Variants in LPP observed in about 807,000 individuals in gnomAD.
The protein encoded by LPP is lipoma-preferred partner.
LPP carries 38 observed loss-of-function variants against 60.4 expected under a neutral mutation model. That is an observed-to-expected ratio of 0.63 (90% CI 0.49 to 0.83). The LOEUF is 0.83. Among genes scored for constraint, LPP ranks in the 40% least tolerant of loss-of-function variants. The pLI is 0.00. For missense variants in LPP, 902 were observed against 783.6 expected (o/e 1.15, Z -1.80); for synonymous variants, 328 against 290.8 (o/e 1.13, Z -1.30).
chr3:188,579,083 A>G (rs544164203), intron 6 of LPP, among the ~76,000 whole-genome samples: 5 of 152,264 alleles, frequency 3.3e-5, no homozygotes, highest in African/African-American at 1.2e-4. Context: ...TAATTCACAT[A>G]CACTTAACCT....
At chr3:188,705,156 C>T (rs1055394219) in intron 7 of LPP, among the ~76,000 whole-genome samples, 5 of 152,124 alleles carry the variant, frequency 3.3e-5, no homozygotes, top group Non-Finnish European at 7.4e-5. Flanking sequence ...AATAAAGAAA[C>T]AAATGTAGAA....
chr3:188,693,795 C>T (rs561856999), intron 7 of LPP, among the ~76,000 whole-genome samples: 3 of 152,188 alleles, frequency 2.0e-5, no homozygotes, highest in Admixed American at 6.5e-5. Context: ...GATTAGGGCT[C>T]CCAAAATTTT....
At chr3:188,578,493 T>G (rs1472776353) in intron 6 of LPP, among the ~76,000 whole-genome samples, 2 of 152,252 alleles carry the variant, frequency 1.3e-5, no homozygotes, top group Admixed American at 6.5e-5. Flanking sequence ...CATGCTATGC[T>G]ACTAGTTTTA....
intron 2 of LPP, among the ~76,000 whole-genome samples, chr3:188,230,469 C>T (rs1220234205): frequency 1.3e-5 from 2 of 151,852 alleles, no homozygotes; most frequent in African/African-American, 2.4e-5. Context: ...TCTCATGGGG[C>T]GTGGATGAAG....
intron 4 of LPP, among the ~76,000 whole-genome samples, chr3:188,464,597 A>T (rs1027667588): frequency 1.4e-4 from 21 of 152,192 alleles, no homozygotes; most frequent in Non-Finnish European, 2.9e-4. Flanking sequence ...TAAAATATTG[A>T]TATTTGGTGA....
intron 5 of LPP, among the ~76,000 whole-genome samples, chr3:188,516,314 T>C (rs1817346858): frequency 6.6e-6 from 1 of 152,176 alleles, no homozygotes; most frequent in African/African-American, 2.4e-5. Flanking sequence ...TTAGATAAAA[T>C]AGATCATATT....
chr3:188,736,243 T>A (rs1221554001), intron 8 of LPP, among the ~76,000 whole-genome samples: 1 of 151,892 alleles, frequency 6.6e-6, no homozygotes, highest in South Asian at 2.1e-4. Flanking sequence ...AAACAAAAAT[T>A]TTAAAGTGTA....
chr3:188,296,175 G>C (rs1042924263), intron 2 of LPP, among the ~76,000 whole-genome samples: 1 of 152,172 alleles, frequency 6.6e-6, no homozygotes, highest in African/African-American at 2.4e-5. Flanking sequence ...TGGTCCACTG[G>C]GGGAAGGATG....
At chr3:188,746,726 T>A (rs1238523765) in intron 8 of LPP, 2 of 307,874 alleles carry the variant, frequency 6.5e-6, no homozygotes, top group East Asian at 1.3e-4. Flanking sequence ...TCTCACTAGT[T>A]ATTAGGGATT....
chr3:188,320,447 T>C (rs577194315), intron 2 of LPP, among the ~76,000 whole-genome samples: 1 of 152,308 alleles, frequency 6.6e-6, no homozygotes, highest in East Asian at 1.9e-4. Context: ...CTGTGTATAC[T>C]TACCCAGTAA....
intron 6 of LPP, among the ~76,000 whole-genome samples, chr3:188,604,817 A>G (rs1842090541): frequency 6.6e-6 from 1 of 152,190 alleles, no homozygotes; most frequent in Admixed American, 6.6e-5. Context: ...AGAAGCAGAC[A>G]TATGCACATG....
At position 188,454,251 on chromosome 3, in the gene LPP, T is replaced by A. The variant is rs541117935; in HGVS notation, c.194-30341T>A. Among the ~76,000 whole-genome samples the A allele has an allele frequency of 3.9e-5, 6 of 152,342 alleles. No homozygotes were observed. The South Asian group carries it at 1.2e-3, about 32-fold the overall frequency. On this transcript the variant is annotated intron_variant, in intron 4 of 11. Transcript: ENST00000617246. Reference sequence around the variant, plus strand: ...TATGCTTGTAACTGCCGTGCAATGCTGTAGGTAAGCAAGAGCTAACAATAT... The same window carrying A: ...TATGCTTGTAACTGCCGTGCAATGCAGTAGGTAAGCAAGAGCTAACAATAT...
At chr3:188,603,631 T>A (rs1841872400) in intron 6 of LPP, among the ~76,000 whole-genome samples, 1 of 152,174 alleles carries the variant, frequency 6.6e-6, no homozygotes, top group African/African-American at 2.4e-5. Flanking sequence ...TATATAAATG[T>A]TTGCTATTAT....
At chr3:188,715,707 T>C (rs1302644112) in intron 8 of LPP, among the ~76,000 whole-genome samples, 4 of 152,190 alleles carry the variant, frequency 2.6e-5, no homozygotes, top group Non-Finnish European at 5.9e-5. Context: ...CCTTAAGTAA[T>C]ACACCCAGAG....
At chr3:188,606,472 T>G (rs140797491) in intron 6 of LPP, among the ~76,000 whole-genome samples, 2 of 152,288 alleles carry the variant, frequency 1.3e-5, no homozygotes, top group African/African-American at 2.4e-5. Flanking sequence ...TTTTTGTGTT[T>G]TGTTTTGTTC....
chr3:188,230,713 C>T (rs896851646), intron 2 of LPP, among the ~76,000 whole-genome samples: 1 of 149,562 alleles, frequency 6.7e-6, no homozygotes, highest in Non-Finnish European at 1.5e-5. Context: ...GCGGAGGTTG[C>T]GGTGAGCCGA....
intron 4 of LPP, among the ~76,000 whole-genome samples, chr3:188,455,867 C>A (rs181616084): frequency 1.6e-4 from 24 of 152,150 alleles, no homozygotes; most frequent in East Asian, 7.7e-4. Context: ...ATGGCTCATT[C>A]ATTCACTTGG....
At chr3:188,634,472 A>G (rs1010799635) in intron 7 of LPP, among the ~76,000 whole-genome samples, 1 of 152,164 alleles carries the variant, frequency 6.6e-6, no homozygotes, top group Non-Finnish European at 1.5e-5. Context: ...ATGGACCTCT[A>G]CCAGTCCGTG....
chr3:188,329,468 T>TA (rs917945013), intron 2 of LPP, among the ~76,000 whole-genome samples: 1 of 152,206 alleles, frequency 6.6e-6, no homozygotes, highest in African/African-American at 2.4e-5. Context: ...TCATTAAACT[T>TA]ACTGGTTTAC....
Sources: allele counts gnomAD v4.1 joint callset (sites outside exome capture counted in the v4.1 genomes callset), GRCh38; gene constraint gnomAD v4.1.1; transcripts MANE v1.5; gene names NCBI Gene and HGNC (gene_info 2026-07-23, HGNC 2026-07-21).